The following HBS1L variants were observed in gnomAD, a reference collection of about 807,000 sequenced individuals.
The protein encoded by HBS1L is HBS1-like protein.
A neutral mutation model predicts 88.9 loss-of-function variants in HBS1L; 55 were observed. That is an observed-to-expected ratio of 0.62 (90% CI 0.50 to 0.77). HBS1L has a LOEUF of 0.77. Among genes scored for constraint, HBS1L ranks in the 30% least tolerant of loss-of-function variants. The pLI, the probability that HBS1L is intolerant of heterozygous loss-of-function variation, is 0.00. For synonymous variants in HBS1L, 267 were observed against 288.5 expected (o/e 0.93, Z 0.76); for missense variants, 741 against 829.3 (o/e 0.89, Z 1.31).
intron 4 of HBS1L, among the ~76,000 whole-genome samples, chr6:135,024,856 A>G (rs1269525582): frequency 6.6e-6 from 1 of 152,178 alleles, no homozygotes; most frequent in Non-Finnish European, 1.5e-5. Context: ...AACTATAAAT[A>G]TATTAAAATA....
intron 15 of HBS1L, among the ~76,000 whole-genome samples, chr6:134,972,283 T>C (rs1774513036): frequency 6.6e-6 from 1 of 152,182 alleles, no homozygotes; most frequent in Non-Finnish European, 1.5e-5. Context: ...ATAACCTGTA[T>C]TTTTAAAATG....
rs145996768 is a variant in HBS1L, at chr6:135,004,283, T to C, written c.431-1441A>G. Among the ~76,000 whole-genome samples the C allele has an allele frequency of 6.7e-5, 10 of 149,714 alleles. No individual in the cohort carries two copies. The South Asian group carries it at 1.1e-3, about 16-fold the overall frequency. On this transcript the variant is annotated intron_variant, in intron 4 of 17. Transcript: ENST00000367837. ...GATAAAAAAAAAAAAAAAAGTACAA[T>C]TAAAATTGTTATTAGTGTTATAAAG...
chr6:134,968,079 C>G (rs1249502510), intron 16 of HBS1L, among the ~76,000 whole-genome samples: 1 of 152,118 alleles, frequency 6.6e-6, no homozygotes, highest in Non-Finnish European at 1.5e-5. Flanking sequence ...TATTAACCCA[C>G]TAACCACATT....
chr6:134,967,185 G>A (rs1774341241), intron 16 of HBS1L, among the ~76,000 whole-genome samples: 1 of 152,222 alleles, frequency 6.6e-6, no homozygotes, highest in African/African-American at 2.4e-5. Flanking sequence ...CTCAGACTTA[G>A]TGAGAGAGGC....
intron 2 of HBS1L, among the ~76,000 whole-genome samples, chr6:135,043,070 T>C (rs1776795645): frequency 6.6e-6 from 1 of 152,118 alleles, no homozygotes. Flanking sequence ...TGTATCTCAT[T>C]AAGGAAAGGA....
intron 4 of HBS1L, among the ~76,000 whole-genome samples, chr6:135,019,614 T>C (rs1776016419): frequency 6.6e-6 from 1 of 151,910 alleles, no homozygotes; most frequent in African/African-American, 2.4e-5. Context: ...ACTTCTTTAA[T>C]ACATTTTACC....
At chr6:134,982,672 G>A in intron 12 of HBS1L, 110 bp from the exon 13 acceptor site, 1 of 498,808 alleles carries the variant, frequency 2.0e-6, no homozygotes, top group Non-Finnish European at 3.6e-6. Flanking sequence ...TAGTTCAATG[G>A]ACATTAAATA....
intron 13 of HBS1L, among the ~76,000 whole-genome samples, chr6:134,980,198 T>C (rs917275123): frequency 6.6e-6 from 1 of 152,012 alleles, no homozygotes; most frequent in Non-Finnish European, 1.5e-5. Flanking sequence ...AATCCACCCA[T>C]ATCTTTCTGA....
chr6:135,018,159 C>A (rs576006786), intron 4 of HBS1L, among the ~76,000 whole-genome samples: 1 of 151,958 alleles, frequency 6.6e-6, no homozygotes, highest in African/African-American at 2.4e-5. Flanking sequence ...ATGAAAAAAA[C>A]ACTACTTAAA....
chr6:135,006,400 C>G (rs1477988839), intron 4 of HBS1L, among the ~76,000 whole-genome samples: 1 of 152,050 alleles, frequency 6.6e-6, no homozygotes. Context: ...AAGCTGTGAT[C>G]ATGAAGAGCT....
intron 4 of HBS1L, among the ~76,000 whole-genome samples, chr6:135,025,860 A>G (rs1776211449): frequency 6.6e-6 from 1 of 152,214 alleles, no homozygotes; most frequent in Non-Finnish European, 1.5e-5. Flanking sequence ...GATAAAATAA[A>G]GATGATAAAA....
At chr6:135,035,467 G>A (rs1776508278) in intron 4 of HBS1L, among the ~76,000 whole-genome samples, 1 of 151,052 alleles carries the variant, frequency 6.6e-6, no homozygotes. Context: ...CAGGCCGGGT[G>A]CAGTGGCTCA....
chr6:135,041,641 A>G (rs1776739969), intron 3 of HBS1L, among the ~76,000 whole-genome samples: 1 of 152,152 alleles, frequency 6.6e-6, no homozygotes, highest in Non-Finnish European at 1.5e-5. Flanking sequence ...TTGTAAGTAA[A>G]GGAGTTTATG....
intron 4 of HBS1L, chr6:135,037,973 G>T (rs1236905179): frequency 6.5e-7 from 1 of 1,538,302 alleles, no homozygotes; most frequent in Non-Finnish European, 8.8e-7. Context: ...GCTGACTGAG[G>T]ATAAGAACTT....
chr6:134,978,296 G>A (rs530316725), intron 15 of HBS1L, among the ~76,000 whole-genome samples: 3 of 151,772 alleles, frequency 2.0e-5, no homozygotes, highest in Admixed American at 6.6e-5. Flanking sequence ...ACTGCAAATC[G>A]ACATATTAAA....
intron 8 of HBS1L, 152 bp downstream of exon 8, chr6:134,993,606 C>T (rs558306461): frequency 4.9e-6 from 2 of 410,704 alleles, no homozygotes; most frequent in Non-Finnish European, 8.7e-6. Flanking sequence ...ATGAAAAATA[C>T]AATATTGCTC....
rs181695321 is a variant in HBS1L at position 134,996,974 on chromosome 6, G to A, written c.800-32C>T. Reference sequence around the variant, plus strand: ...AAAATTGATTCAGGATTAATACCAGGTACATTTCCAGATGTTCACATTGAG... The same window carrying A: ...AAAATTGATTCAGGATTAATACCAGATACATTTCCAGATGTTCACATTGAG... On this transcript the variant is annotated intron_variant, in intron 6 of 17. Coordinates refer to ENST00000367837, the MANE Select transcript of HBS1L (RefSeq NM_006620.4). 2,271 of 1,497,010 alleles carry A rather than the reference G, an allele frequency of 1.5e-3. 6 individuals carry two copies. The highest frequency in any genetic ancestry group is 1.8e-3 in the Non-Finnish European group (2,058 of 1,113,410). The allele number at this position is 1,497,010 out of a possible 1,614,324, so 92.7% of individuals were successfully genotyped here. A position where few individuals can be genotyped will look rare whatever the true frequency, so the allele number is the denominator to read the frequency against.
chr6:135,005,763 G>A (rs909901342), intron 4 of HBS1L, among the ~76,000 whole-genome samples: 11 of 152,156 alleles, frequency 7.2e-5, no homozygotes, highest in African/African-American at 2.2e-4. Context: ...GAGCTGAGAC[G>A]GGAGAAACGC....
At chr6:135,004,257 TGA>T (rs1329265257) in intron 4 of HBS1L, among the ~76,000 whole-genome samples, 1 of 97,238 alleles carries the variant, frequency 1.0e-5, no homozygotes, top group African/African-American at 4.1e-5. Flanking sequence ...ACATACTAAA[TGA>T]TAAAAAAAAA....
Sources: allele counts gnomAD v4.1 joint callset (sites outside exome capture counted in the v4.1 genomes callset), GRCh38; gene constraint gnomAD v4.1.1; transcripts MANE v1.5; gene names NCBI Gene and HGNC (gene_info 2026-07-23, HGNC 2026-07-21).